The following NKAIN2 variants were observed in gnomAD, a reference collection of about 807,000 sequenced individuals.
NKAIN2 encodes sodium/potassium-transporting ATPase subunit beta-1-interacting protein 2.
NKAIN2 carries 14 observed loss-of-function variants against 32.6 expected under a neutral mutation model. The observed-to-expected ratio is 0.43, with a 90% CI of 0.28 to 0.67. The LOEUF is 0.67. Ranked by LOEUF, NKAIN2 falls within the 30% of genes least tolerant of loss-of-function variation. The pLI, the probability that NKAIN2 is intolerant of heterozygous loss-of-function variation, is 0.17. For missense variants in NKAIN2, 198 were observed against 258.3 expected, an observed-to-expected ratio of 0.77 and a Z score of 1.60; for synonymous variants, 80 against 87.2, an observed-to-expected ratio of 0.92 and a Z score of 0.46.
intron 1 of NKAIN2, among the ~76,000 whole-genome samples, chr6:123,988,538 C>A (rs2114682419): frequency 6.6e-6 from 1 of 152,138 alleles, no homozygotes; most frequent in East Asian, 1.9e-4. Context: ...CAGCTTGCAG[C>A]CTCTTAAAGC....
At chr6:124,037,306 A>G (rs919162014) in intron 1 of NKAIN2, among the ~76,000 whole-genome samples, 4 of 152,166 alleles carry the variant, frequency 2.6e-5, no homozygotes, top group Admixed American at 2.0e-4. Context: ...AGGAAGCTGT[A>G]TCTTTGGTTC....
intron 3 of NKAIN2, among the ~76,000 whole-genome samples, chr6:124,466,229 T>C (rs549589616): frequency 2.2e-4 from 33 of 152,250 alleles, no homozygotes; most frequent in African/African-American, 7.5e-4. Context: ...GGATCACTTA[T>C]AGCCAACCAT....
chr6:124,046,793 G>A (rs1173317789), intron 1 of NKAIN2, among the ~76,000 whole-genome samples: 1 of 152,020 alleles, frequency 6.6e-6, no homozygotes, highest in East Asian at 1.9e-4. Context: ...AGTACAGTAG[G>A]AGTTCTATGG....
intron 1 of NKAIN2, among the ~76,000 whole-genome samples, chr6:124,166,301 T>C (rs1275735213): frequency 3.4e-4 from 51 of 152,100 alleles, no homozygotes; most frequent in African/African-American, 1.9e-4. Context: ...GTTTTTTGGC[T>C]GCATAAATGT....
intron 1 of NKAIN2, among the ~76,000 whole-genome samples, chr6:124,232,774 T>G (rs1435509964): frequency 6.6e-6 from 1 of 152,150 alleles, no homozygotes. Context: ...GATCTTGGTT[T>G]GAGGGGATTT....
At chr6:123,835,961 A>G (rs1774601357) in intron 1 of NKAIN2, among the ~76,000 whole-genome samples, 1 of 152,116 alleles carries the variant, frequency 6.6e-6, no homozygotes, top group Non-Finnish European at 1.5e-5. Context: ...ATTAAAATAC[A>G]CCTTCTCTAC....
At chr6:123,932,411 T>C (rs1384463420) in intron 1 of NKAIN2, among the ~76,000 whole-genome samples, 5 of 13,228 alleles carry the variant, frequency 3.8e-4, no homozygotes, top group South Asian at 4.7e-3. Flanking sequence ...TCTTTCTTTT[T>C]TTTTTTTTTT....
intron 3 of NKAIN2, among the ~76,000 whole-genome samples, chr6:124,450,879 C>T (rs1776078356): frequency 6.6e-6 from 1 of 151,944 alleles, no homozygotes; most frequent in South Asian, 2.1e-4. Flanking sequence ...TTTCTCACCT[C>T]TATAGAGTTT....
chr6:123,879,820 A>G (rs902603121), intron 1 of NKAIN2, among the ~76,000 whole-genome samples: 1 of 152,148 alleles, frequency 6.6e-6, no homozygotes. Context: ...CCAACTTGTG[A>G]CCAGGGGATC....
chr6:124,547,496 A>G (rs1035092700), intron 3 of NKAIN2, among the ~76,000 whole-genome samples: 5 of 152,298 alleles, frequency 3.3e-5, no homozygotes. Context: ...TACAGAAATT[A>G]CTTTAAAGTC....
intron 1 of NKAIN2, among the ~76,000 whole-genome samples, chr6:124,035,120 A>C (rs1781558196): frequency 6.6e-6 from 1 of 152,110 alleles, no homozygotes; most frequent in Non-Finnish European, 1.5e-5. Context: ...AAATGCAAGA[A>C]AATACAGAAA....
chr6:124,700,324 T>C (rs1346778282), intron 4 of NKAIN2, among the ~76,000 whole-genome samples: 1 of 152,160 alleles, frequency 6.6e-6, no homozygotes, highest in African/African-American at 2.4e-5. Flanking sequence ...CACTTCCCTC[T>C]GAATTGATTA....
intron 3 of NKAIN2, among the ~76,000 whole-genome samples, chr6:124,483,230 C>T (rs1023970996): frequency 6.6e-6 from 1 of 152,160 alleles, no homozygotes; most frequent in Non-Finnish European, 1.5e-5. Flanking sequence ...CTATCAAGTT[C>T]CGATGATCAT....
chr6:123,925,610 AAC>A (rs1775972213), intron 1 of NKAIN2, among the ~76,000 whole-genome samples: 1 of 152,182 alleles, frequency 6.6e-6, no homozygotes, highest in African/African-American at 2.4e-5. Context: ...TTCATGATGA[AAC>A]ACAAACTAGT....
chr6:124,097,680 CA>C (rs1389134649), intron 1 of NKAIN2, among the ~76,000 whole-genome samples: 1 of 152,142 alleles, frequency 6.6e-6, no homozygotes, highest in Non-Finnish European at 1.5e-5. Context: ...GGCTAAACTT[CA>C]AAACAAATGA....
chr6:123,845,901 A>G (rs761585612), intron 1 of NKAIN2, among the ~76,000 whole-genome samples: 4 of 152,196 alleles, frequency 2.6e-5, no homozygotes, highest in African/African-American at 9.7e-5. Context: ...CATCTAACAT[A>G]TATACAAATT....
chr6:124,559,997 C>T (rs1398969779), intron 3 of NKAIN2, among the ~76,000 whole-genome samples: 1 of 151,874 alleles, frequency 6.6e-6, no homozygotes, highest in Admixed American at 6.6e-5. Flanking sequence ...AGTCAAAGCA[C>T]CTTTAGGTCA....
At chr6:124,516,601 C>T (rs947405338) in intron 3 of NKAIN2, among the ~76,000 whole-genome samples, 1 of 152,136 alleles carries the variant, frequency 6.6e-6, no homozygotes, top group Non-Finnish European at 1.5e-5. Flanking sequence ...CAGACATTTA[C>T]ATTTGCCTCT....
chr6:124,705,832 AATTAAGCATATGTT>A (rs1350487984), intron 4 of NKAIN2, among the ~76,000 whole-genome samples: 5 of 152,092 alleles, frequency 3.3e-5, no homozygotes, highest in African/African-American at 1.2e-4. Flanking sequence ...GAAATAACTC[AATTAAGCATATGTT>A]ATTTTAAAAC....
Sources: allele counts gnomAD v4.1 joint callset (sites outside exome capture counted in the v4.1 genomes callset), GRCh38; gene constraint gnomAD v4.1.1; transcripts MANE v1.5; gene names NCBI Gene and HGNC (gene_info 2026-07-23, HGNC 2026-07-21).